Variants in NETO2 observed in about 807,000 individuals in gnomAD.
NETO2 encodes neuropilin and tolloid-like protein 2.
In NETO2, 28 loss-of-function variants were observed where a neutral mutation model predicts 62.5. The observed-to-expected ratio is 0.45, with a 90% CI of 0.33 to 0.61. NETO2 has a LOEUF of 0.61. Among genes scored for constraint, NETO2 ranks in the 20% least tolerant of loss-of-function variants. NETO2 has a pLI of 0.02. For synonymous variants in NETO2, 214 were observed against 219.1 expected, an observed-to-expected ratio of 0.98 and a Z score of 0.21; for missense variants, 548 against 643.2, an observed-to-expected ratio of 0.85 and a Z score of 1.60.
intron 6 of NETO2, among the ~76,000 whole-genome samples, chr16:47,112,583 C>T (rs1963823223): frequency 1.3e-5 from 2 of 152,168 alleles, no homozygotes; most frequent in South Asian, 4.1e-4. Context: ...TGGTCTCGAA[C>T]TCTTGACCTC....
intron 6 of NETO2, among the ~76,000 whole-genome samples, chr16:47,116,692 T>C (rs970789506): frequency 6.6e-6 from 1 of 152,194 alleles, no homozygotes; most frequent in Non-Finnish European, 1.5e-5. Context: ...AGAATTGGCA[T>C]TATATCTTCC....
intron 7 of NETO2, among the ~76,000 whole-genome samples, chr16:47,104,756 G>C (rs1963634381): frequency 6.6e-6 from 1 of 152,056 alleles, no homozygotes; most frequent in African/African-American, 2.4e-5. Flanking sequence ...GTCTAGCTCT[G>C]TTGCCCAGGC....
chr16:47,123,789 C>G (rs1023843955), intron 4 of NETO2, among the ~76,000 whole-genome samples: 5 of 152,164 alleles, frequency 3.3e-5, no homozygotes, highest in Admixed American at 6.5e-5. Context: ...CCTCTGCTTC[C>G]CGGGTTCAAG....
intron 1 of NETO2, among the ~76,000 whole-genome samples, chr16:47,142,183 A>G (rs1964473352): frequency 6.6e-6 from 1 of 152,156 alleles, no homozygotes; most frequent in Non-Finnish European, 1.5e-5. Flanking sequence ...ATGACTGTAA[A>G]AATTAGGAGT....
intron 8 of NETO2, among the ~76,000 whole-genome samples, chr16:47,086,011 C>A (rs1163438240): frequency 1.3e-5 from 2 of 152,074 alleles, no homozygotes; most frequent in African/African-American, 4.8e-5. Flanking sequence ...GAAGCTAAGG[C>A]AGGAGAATGG....
At chr16:47,097,081 C>A (rs1417871784) in intron 7 of NETO2, among the ~76,000 whole-genome samples, 1 of 152,182 alleles carries the variant, frequency 6.6e-6, no homozygotes, top group Non-Finnish European at 1.5e-5. Context: ...GGGTTTCAAG[C>A]ATAAAACTGG....
chr16:47,131,837 T>C (rs1964271395), intron 2 of NETO2, 132 bp downstream of exon 2: 2 of 719,008 alleles, frequency 2.8e-6, no homozygotes, highest in African/African-American at 1.8e-5. Context: ...GGCTGATGGG[T>C]TGACAGAAAG....
intron 6 of NETO2, 79 bp downstream of exon 6, chr16:47,122,578 A>G: frequency 6.6e-7 from 1 of 1,523,650 alleles, no homozygotes; most frequent in Non-Finnish European, 8.9e-7. Flanking sequence ...AAATATTTAC[A>G]CAAACCAAAA....
rs1963071468 is a variant in NETO2 at position 47,082,044 on chromosome 16, G to A, written c.*1177C>T. ...CTTTCATCTTGATTTAATAAAGTTT[G>A]TACAGTATCAAATAATATCAAAAGT... On this transcript the variant is annotated 3_prime_UTR_variant, in exon 9 of 9. Transcript: ENST00000562435. The A allele has an allele frequency of 6.6e-6, 1 of 152,500 alleles. No homozygotes were observed. Among genetic ancestry groups the A allele is most frequent in the Non-Finnish European group, 1.5e-5 (1 of 68,004 alleles). 9.4% of individuals were successfully genotyped at this position (152,500 alleles called of 1,614,324 possible).
intron 8 of NETO2, among the ~76,000 whole-genome samples, 190 bp from the exon 9 acceptor site, chr16:47,083,991 G>A (rs879640116): frequency 1.3e-5 from 2 of 152,084 alleles, no homozygotes; most frequent in Non-Finnish European, 1.5e-5. Flanking sequence ...GTTACCAATC[G>A]CAGTACTGAT....
intron 6 of NETO2, among the ~76,000 whole-genome samples, chr16:47,115,954 T>C (rs574238327): frequency 3.3e-5 from 5 of 151,698 alleles, no homozygotes; most frequent in Non-Finnish European, 7.4e-5. Flanking sequence ...TCAGATGCTA[T>C]GGAAATTTTT....
intron 1 of NETO2, among the ~76,000 whole-genome samples, chr16:47,138,337 T>C (rs1375756925): frequency 6.6e-6 from 1 of 151,922 alleles, no homozygotes; most frequent in Non-Finnish European, 1.5e-5. Context: ...GAGGCAGAGG[T>C]TGTGGTGCGC....
chr16:47,095,658 T>C (rs1237599425), intron 7 of NETO2, among the ~76,000 whole-genome samples: 1 of 152,142 alleles, frequency 6.6e-6, no homozygotes, highest in Admixed American at 6.5e-5. Flanking sequence ...CCCTAAAATA[T>C]ATGAAACAAA....
At chr16:47,134,227 G>GT (rs1964325939) in intron 1 of NETO2, among the ~76,000 whole-genome samples, 1 of 151,988 alleles carries the variant, frequency 6.6e-6, no homozygotes, top group Admixed American at 6.6e-5. Flanking sequence ...TATTCAGTTC[G>GT]TATCTTAAAA....
intron 7 of NETO2, among the ~76,000 whole-genome samples, chr16:47,105,383 A>G (rs1963652890): frequency 1.3e-5 from 2 of 152,224 alleles, no homozygotes; most frequent in Non-Finnish European, 2.9e-5. Context: ...AGCTAAAACT[A>G]TAAAACTCTC....
chr16:47,115,557 T>G (rs891121778), intron 6 of NETO2, among the ~76,000 whole-genome samples: 1 of 150,870 alleles, frequency 6.6e-6, no homozygotes, highest in Non-Finnish European at 1.5e-5. Flanking sequence ...AGACAGGGTC[T>G]CAGTTTGTTG....
Position 47,079,266 on chromosome 16 carries a change from G to GTCT in NETO2, c.*3954_*3955insAGA, listed in dbSNP as rs1232477950. ...ACTGCACTCTAGCCTGGGTGACAGA[G>GTCT]CGAGACTCTGTCTCAAAAAACAAAA... On this transcript the variant is annotated 3_prime_UTR_variant, in exon 9 of 9. Transcript: ENST00000562435. The GTCT allele has an allele frequency of 6.7e-6, 1 of 150,120 alleles. No individual in the cohort carries two copies. Among genetic ancestry groups the GTCT allele is most frequent in the African/African-American group, 2.5e-5 (1 of 40,478 alleles). 9.3% of individuals were successfully genotyped at this position (150,120 alleles called of 1,614,324 possible). A position where few individuals can be genotyped will look rare whatever the true frequency, so the allele number is the denominator to read the frequency against.
chr16:47,112,925 AAT>A (rs1227562509), intron 6 of NETO2, among the ~76,000 whole-genome samples: 5 of 152,240 alleles, frequency 3.3e-5, no homozygotes, highest in Admixed American at 1.3e-4. Context: ...TATCTATAAA[AAT>A]ATGTTGTATT....
Position 47,083,793 on chromosome 16 carries a change from T to C in NETO2, c.1006A>G (p.Lys336Glu). ...GTGATTTGTTCAAATACTCCTGCTT[T>C]TTTCTTTTCTGCAGAAAGAAAATGA... ...WDENHCKEKKKAGVFEQITKT... is the reference protein window; with the variant it reads ...WDENHCKEKKEAGVFEQITKT... The change falls in exon 9 of 9, where the codon AAA (lysine) becomes GAA (glutamate). Residue 336 changes from lysine (K) to glutamate (E), a missense_variant. Coordinates refer to ENST00000562435, the MANE Select transcript of NETO2 (RefSeq NM_018092.5). 1 of 1,574,350 alleles carries C rather than the reference T, an allele frequency of 6.4e-7. No homozygotes were observed. The highest frequency in any genetic ancestry group is 8.6e-7 in the Non-Finnish European group (1 of 1,159,100).
Sources: gnomAD v4.1 joint callset for allele counts (sites outside exome capture counted in the v4.1 genomes callset) on GRCh38, gnomAD v4.1.1 for gene constraint, MANE v1.5 for transcripts, NCBI Gene and HGNC (gene_info 2026-07-23, HGNC 2026-07-21) for gene names.